The following CDH23 variants were observed in gnomAD, a reference collection of about 807,000 sequenced individuals.
CDH23 encodes cadherin-23.
CDH23 carries 189 observed loss-of-function variants against 317.1 expected under a neutral mutation model. The observed-to-expected ratio is 0.60, with a 90% confidence interval of 0.53 to 0.67. The LOEUF (loss-of-function observed/expected upper bound fraction) is 0.67, where lower values mean the gene tolerates loss of function less well. CDH23 is among the 30% of genes least tolerant of loss of function. The probability of loss-of-function intolerance (pLI) is 0.00; values close to 1 mark genes in which losing one functional copy is unlikely to be tolerated. For missense variants in CDH23, 4,401 were observed against 4,592.4 expected (o/e 0.96, Z 1.20); for synonymous variants, 1,839 against 1,876.8 (o/e 0.98, Z 0.52).
chr10:71,492,772 G>A (rs1852735563), intron 3 of CDH23, among the ~76,000 whole-genome samples: 1 of 152,240 alleles, frequency 6.6e-6, no homozygotes, highest in Non-Finnish European at 1.5e-5. Context: ...GAGAGATGTT[G>A]TCCAGAGGAT....
At chr10:71,697,684 G>C (rs1195622847) in intron 22 of CDH23, among the ~76,000 whole-genome samples, 1 of 151,712 alleles carries the variant, frequency 6.6e-6, no homozygotes, top group African/African-American at 2.4e-5. Flanking sequence ...AAAAAAAAAG[G>C]AAGCTCCCGC....
chr10:71,456,922 T>C (rs1850725435), intron 3 of CDH23, among the ~76,000 whole-genome samples: 1 of 152,232 alleles, frequency 6.6e-6, no homozygotes, highest in Non-Finnish European at 1.5e-5. Flanking sequence ...GCCTGTGCAC[T>C]TAACCACAAG....
intron 3 of CDH23, among the ~76,000 whole-genome samples, chr10:71,476,476 C>T (rs1009105318): frequency 6.6e-6 from 1 of 152,126 alleles, no homozygotes; most frequent in Non-Finnish European, 1.5e-5. Context: ...CAAGATGTGT[C>T]CCCAGCTCCA....
Position 71,685,124 on chromosome 10 carries a change from G to A in CDH23, c.1987-2523G>A, listed in dbSNP as rs560618106. On this transcript the variant is annotated intron_variant, in intron 18 of 69. Coordinates refer to ENST00000224721, the MANE Select transcript of CDH23 (RefSeq NM_022124.6). ...GTCATCCCTATCCACATATGACTGA[G>A]ACCAGTGCTTCTCAAACTTCCCTGG... Among the ~76,000 whole-genome samples the A allele has an allele frequency of 2.6e-5, 4 of 152,332 alleles. No individual in the cohort carries two copies. In the East Asian group the frequency reaches 7.7e-4, roughly 29 times the overall value.
chr10:71,625,171 G>A (rs1861655298), intron 11 of CDH23, among the ~76,000 whole-genome samples: 1 of 151,820 alleles, frequency 6.6e-6, no homozygotes, highest in Admixed American at 6.6e-5. Context: ...GGGACCCGAG[G>A]GTTGAGAATT....
chr10:71,791,700 C>T (rs184027327), intron 47 of CDH23, among the ~76,000 whole-genome samples: 6 of 151,966 alleles, frequency 3.9e-5, no homozygotes, highest in African/African-American at 9.6e-5. Context: ...CTCAGCCTCC[C>T]GAGTAGCTGG....
At chr10:71,633,647 G>A (rs1473815064) in intron 11 of CDH23, among the ~76,000 whole-genome samples, 2 of 152,328 alleles carry the variant, frequency 1.3e-5, no homozygotes, top group South Asian at 2.1e-4. Flanking sequence ...CCTTGGAAGA[G>A]GACTAGAAAG....
intron 3 of CDH23, among the ~76,000 whole-genome samples, chr10:71,467,115 G>A (rs1187376132): frequency 6.6e-6 from 1 of 152,126 alleles, no homozygotes; most frequent in East Asian, 1.9e-4. Flanking sequence ...GAGGGGCTGG[G>A]CACAAGGCAG....
chr10:71,571,700 C>G (rs116626580), intron 8 of CDH23, among the ~76,000 whole-genome samples: 41 of 152,308 alleles, frequency 2.7e-4, no homozygotes, highest in African/African-American at 9.1e-4. Flanking sequence ...GAAAAATGCG[C>G]CTCCCCTAGG....
intron 1 of CDH23, among the ~76,000 whole-genome samples, chr10:71,416,968 T>C (rs376656646): frequency 6.6e-6 from 1 of 152,190 alleles, no homozygotes; most frequent in East Asian, 1.9e-4. Context: ...TGAATTAATG[T>C]GTCTTTTCTC....
chr10:71,700,808 G>A (rs931624685), intron 22 of CDH23, among the ~76,000 whole-genome samples: 1 of 152,178 alleles, frequency 6.6e-6, no homozygotes. Context: ...CCCATGGACA[G>A]GGGCAGATGG....
chr10:71,495,094 C>T (rs184326295), intron 3 of CDH23, among the ~76,000 whole-genome samples: 14 of 152,290 alleles, frequency 9.2e-5, no homozygotes, highest in Admixed American at 8.5e-4. Context: ...ACCCCCACTT[C>T]CCTGTCAAAA....
At chr10:71,745,493 C>T (rs190165849) in intron 38 of CDH23, among the ~76,000 whole-genome samples, 5 of 152,236 alleles carry the variant, frequency 3.3e-5, no homozygotes, top group Admixed American at 1.3e-4. Flanking sequence ...GAGCTGCTCC[C>T]GCTGCCTTCT....
chr10:71,713,290 G>T (rs764860341), intron 28 of CDH23: 8 of 779,408 alleles, frequency 1.0e-5, no homozygotes, highest in East Asian at 7.3e-5. Context: ...CAGCTCCAAG[G>T]CTCAGAGGGA....
chr10:71,705,517 T>A lies in CDH23; in HGVS notation c.2953+387T>A, dbSNP rs1212184447. Among the ~76,000 whole-genome samples, 6 of 152,104 alleles carry A rather than the reference T, an allele frequency of 3.9e-5. No homozygotes were observed. In the East Asian group the frequency reaches 1.2e-3, roughly 29 times the overall value. ...TCTTTGGAAGGCCAGAGTTTTTGTT[T>A]GGGAGACATAAAGGAGACCTCCCCC... On this transcript the variant is annotated intron_variant, in intron 25 of 69. Coordinates refer to ENST00000224721, the MANE Select transcript of CDH23 (RefSeq NM_022124.6).
chr10:71,444,172 A>G (rs911591096), intron 2 of CDH23, among the ~76,000 whole-genome samples: 8 of 152,268 alleles, frequency 5.3e-5, no homozygotes, highest in Admixed American at 1.3e-4. Flanking sequence ...AAGGCAGCGT[A>G]TTTATTAATA....
chr10:71,523,463 G>C (rs903952573), intron 6 of CDH23, among the ~76,000 whole-genome samples: 1 of 152,204 alleles, frequency 6.6e-6, no homozygotes, highest in South Asian at 2.1e-4. Context: ...GATGGAGATG[G>C]AGGGAAATGC....
At chr10:71,609,223 G>T (rs966909168) in intron 9 of CDH23, among the ~76,000 whole-genome samples, 13 of 151,856 alleles carry the variant, frequency 8.6e-5, no homozygotes, top group African/African-American at 2.7e-4. Flanking sequence ...GGCTCGAAGA[G>T]AGAGAACTGC....
In CDH23 at chr10:71,773,559, C is replaced by T. The variant is rs917871465; in HGVS notation, c.4846-4121C>T. ...TGAGCGCTGCGGGCGGCCCCAGCGCCGTGCTCCAGGCACCCGCCCCCTTCG... is the reference window on the plus strand; with the variant it reads ...TGAGCGCTGCGGGCGGCCCCAGCGCTGTGCTCCAGGCACCCGCCCCCTTCG... On this transcript the variant is annotated intron_variant, in intron 38 of 69. Transcript: ENST00000224721. 4.3e-6 allele frequency: 4 copies of T among 929,450 alleles called. No individual in the cohort carries two copies. The African/African-American group carries it at 5.3e-5, about 12-fold the overall frequency. The allele number at this position is 929,450 out of a possible 1,614,324, so 57.6% of individuals were successfully genotyped here. A position where few individuals can be genotyped will look rare whatever the true frequency, so the allele number is the denominator to read the frequency against.
Sources: allele counts gnomAD v4.1 joint callset (sites outside exome capture counted in the v4.1 genomes callset), GRCh38; gene constraint gnomAD v4.1.1; transcripts MANE v1.5; gene names NCBI Gene and HGNC (gene_info 2026-07-23, HGNC 2026-07-21).